Variants in CLDN10 observed in about 807,000 individuals in gnomAD.
The protein encoded by CLDN10 is claudin 10.
CLDN10 carries 15 observed loss-of-function variants against 22.9 expected under a neutral mutation model. The observed-to-expected ratio is 0.65, with a 90% CI of 0.44 to 1.01. The LOEUF is 1.01. CLDN10 is among the 50% of genes least tolerant of loss of function. The probability of loss-of-function intolerance (pLI) is 0.00; values close to 1 mark genes in which losing one functional copy is unlikely to be tolerated. For missense variants in CLDN10, 247 were observed against 287.8 expected (o/e 0.86, Z 1.03); for synonymous variants, 114 against 111.4 (o/e 1.02, Z -0.15).
intron 1 of CLDN10, among the ~76,000 whole-genome samples, chr13:95,493,779 C>T (rs1262266258): frequency 6.6e-6 from 1 of 152,046 alleles, no homozygotes; most frequent in Admixed American, 6.5e-5. Flanking sequence ...AGGCTGGTCT[C>T]AAACTTCTGG....
intron 1 of CLDN10, among the ~76,000 whole-genome samples, chr13:95,546,967 C>T (rs1036279176): frequency 6.6e-6 from 1 of 151,524 alleles, no homozygotes; most frequent in Non-Finnish European, 1.5e-5. Flanking sequence ...TTTATTTTTA[C>T]TTTTTTAGAG....
chr13:95,473,287 C>T (rs988802811), intron 1 of CLDN10, among the ~76,000 whole-genome samples: 3 of 152,056 alleles, frequency 2.0e-5, no homozygotes, highest in African/African-American at 7.2e-5. Context: ...AGCTTAAGAC[C>T]TAGGTGATGG....
intron 1 of CLDN10, among the ~76,000 whole-genome samples, chr13:95,498,217 A>G (rs889490554): frequency 1.3e-5 from 2 of 152,052 alleles, no homozygotes; most frequent in Non-Finnish European, 2.9e-5. Flanking sequence ...CTGCCTTCTC[A>G]CTACTGTTTC....
chr13:95,436,477 G>C (rs1043547699), intron 1 of CLDN10, among the ~76,000 whole-genome samples: 1 of 152,048 alleles, frequency 6.6e-6, no homozygotes, highest in Non-Finnish European at 1.5e-5. Context: ...GAGCCACCAC[G>C]CCTGCCAAAA....
At chr13:95,527,610 C>A (rs571409574) in intron 1 of CLDN10, among the ~76,000 whole-genome samples, 42 of 151,990 alleles carry the variant, frequency 2.8e-4, no homozygotes, top group Non-Finnish European at 5.0e-4. Context: ...ATGGTGGGTG[C>A]CTGTAATCCC....
chr13:95,569,133 C>CAGTATATTAATGTAT (rs1262665717), intron 3 of CLDN10, among the ~76,000 whole-genome samples: 3 of 152,126 alleles, frequency 2.0e-5, no homozygotes, highest in Non-Finnish European at 2.9e-5. Flanking sequence ...CCCTAATGCA[C>CAGTATATTAATGTAT]AGTATATTAA....
intron 1 of CLDN10, among the ~76,000 whole-genome samples, chr13:95,496,285 CA>C (rs2138527571): frequency 6.6e-6 from 1 of 152,282 alleles, no homozygotes; most frequent in African/African-American, 2.4e-5. Context: ...TTGAGATATT[CA>C]TAAGTGGGGA....
chr13:95,502,077 C>T (rs769242080), intron 1 of CLDN10, among the ~76,000 whole-genome samples: 1 of 152,162 alleles, frequency 6.6e-6, no homozygotes, highest in Non-Finnish European at 1.5e-5. Flanking sequence ...ACCCCAGCCC[C>T]CACACCCAAT....
At chr13:95,533,096 A>G (rs979229157) in intron 1 of CLDN10, among the ~76,000 whole-genome samples, 9 of 151,948 alleles carry the variant, frequency 5.9e-5, no homozygotes, top group Non-Finnish European at 8.8e-5. Flanking sequence ...TATAAATTTC[A>G]TTGTATGTAA....
chr13:95,461,016 G>GCAGGGGAATTGCTTGAAT (rs2042531578), intron 1 of CLDN10, among the ~76,000 whole-genome samples: 2 of 152,180 alleles, frequency 1.3e-5, no homozygotes, highest in African/African-American at 4.8e-5. Flanking sequence ...AGAGGCTGAG[G>GCAGGGGAATTGCTTGAAT]CAGGGGAATT....
chr13:95,536,014 G>A (rs1160913089), intron 1 of CLDN10, among the ~76,000 whole-genome samples: 1 of 152,138 alleles, frequency 6.6e-6, no homozygotes, highest in African/African-American at 2.4e-5. Flanking sequence ...AAAGGGAAAG[G>A]TAGGAAAGAT....
intron 1 of CLDN10, among the ~76,000 whole-genome samples, chr13:95,555,735 A>G (rs1274477711): frequency 6.6e-6 from 1 of 152,172 alleles, no homozygotes; most frequent in African/African-American, 2.4e-5. Flanking sequence ...AAATCATGCA[A>G]CTGTGTTTTC....
At chr13:95,497,177 C>T (rs2042938408) in intron 1 of CLDN10, 1 of 151,930 alleles carries the variant, frequency 6.6e-6, no homozygotes, top group South Asian at 2.1e-4. Flanking sequence ...CAATAATTAA[C>T]TATAATTAAA....
intron 3 of CLDN10, among the ~76,000 whole-genome samples, chr13:95,572,401 A>G (rs1400453004): frequency 6.6e-6 from 1 of 152,232 alleles, no homozygotes; most frequent in Non-Finnish European, 1.5e-5. Context: ...TCTACCATTT[A>G]CTTGGCTGAG....
At chr13:95,463,297 TA>T (rs2042553425) in intron 1 of CLDN10, among the ~76,000 whole-genome samples, 1 of 61,966 alleles carries the variant, frequency 1.6e-5, no homozygotes, top group Non-Finnish European at 3.1e-5. Flanking sequence ...TATATATATA[TA>T]TATATATATA....
In CLDN10 at chr13:95,519,607, A is replaced by G. The variant is rs916173712; in HGVS notation, c.215-40525A>G. ...GGTGAAGAAATTTTCACAATGCCAT[A>G]CAAGTAGTCAGTAAGTGGCAGACAC... On this transcript the variant is annotated intron_variant, in intron 1 of 4. Coordinates refer to the CLDN10 transcript ENST00000376873. 4.3e-4 allele frequency among the ~76,000 whole-genome samples: 66 copies of G among 152,258 alleles called. 1 individual carries two copies. Among genetic ancestry groups the G allele is most frequent in the African/African-American group, 1.6e-3 (65 of 41,470 alleles).
At chr13:95,462,186 CCTCA>C (rs1341682400) in intron 1 of CLDN10, among the ~76,000 whole-genome samples, 1 of 152,130 alleles carries the variant, frequency 6.6e-6, no homozygotes, top group Admixed American at 6.6e-5. Flanking sequence ...AGCTGTAATA[CCTCA>C]CTGAGTCCTG....
At chr13:95,538,506 A>T (rs1403298147) in intron 1 of CLDN10, among the ~76,000 whole-genome samples, 1 of 152,192 alleles carries the variant, frequency 6.6e-6, no homozygotes, top group Non-Finnish European at 1.5e-5. Flanking sequence ...ATAGAGTGAT[A>T]TCAATTGATT....
rs146590524 is a variant in CLDN10 at position 95,536,490 on chromosome 13, C to T, written c.215-23642C>T. 3.4e-4 allele frequency among the ~76,000 whole-genome samples: 51 copies of T among 152,194 alleles called. No homozygotes were observed. The East Asian group carries it at 8.3e-3, about 25-fold the overall frequency. ...AAAATCATCCAAGGGACAATTTATCCTTAACCATACAAAACTTACAGCCTC... is the reference window on the plus strand; with the variant it reads ...AAAATCATCCAAGGGACAATTTATCTTTAACCATACAAAACTTACAGCCTC... On this transcript the variant is annotated intron_variant, in intron 1 of 4. Transcript: ENST00000376873.
Sources: allele counts gnomAD v4.1 joint callset (sites outside exome capture counted in the v4.1 genomes callset), GRCh38; gene constraint gnomAD v4.1.1; transcripts MANE v1.5; gene names NCBI Gene and HGNC (gene_info 2026-07-23, HGNC 2026-07-21).